Variants in ROBO2 observed in about 807,000 individuals in gnomAD.
ROBO2 encodes the protein roundabout guidance receptor 2.
Under a neutral mutation model 160.8 loss-of-function variants are expected in ROBO2, and 53 were observed. The ratio of observed to expected loss-of-function variants is 0.33; its 90% confidence interval spans 0.26 to 0.41. ROBO2 has a LOEUF of 0.41. ROBO2 is among the 10% of genes least tolerant of loss of function. The probability of loss-of-function intolerance (pLI) is 1.00; values close to 1 mark genes in which losing one functional copy is unlikely to be tolerated. For missense variants in ROBO2, 1,577 were observed against 1,722.4 expected (o/e 0.92, Z 1.49); for synonymous variants, 664 against 611.7 (o/e 1.09, Z -1.26).
At chr3:76,709,967 A>G (rs1021608107) in intron 2 of ROBO2, among the ~76,000 whole-genome samples, 4 of 152,054 alleles carry the variant, frequency 2.6e-5, no homozygotes, top group Admixed American at 6.6e-5. Context: ...TGCAGATCTC[A>G]ACACAACTTT....
chr3:77,084,537 AT>A (rs1170258063), intron 1 of ROBO2, among the ~76,000 whole-genome samples: 3 of 152,096 alleles, frequency 2.0e-5, no homozygotes, highest in Non-Finnish European at 4.4e-5. Flanking sequence ...ATCCAGAATA[AT>A]TCTGTGTTCC....
chr3:77,490,124 G>C (rs1450104491), intron 4 of ROBO2, among the ~76,000 whole-genome samples: 5 of 141,274 alleles, frequency 3.5e-5, no homozygotes, highest in African/African-American at 1.3e-4. Context: ...TTTTTGGGAC[G>C]GAGTCTCGCT....
intron 1 of ROBO2, among the ~76,000 whole-genome samples, chr3:77,063,907 G>A (rs538983539): frequency 1.3e-5 from 2 of 152,076 alleles, no homozygotes; most frequent in South Asian, 4.1e-4. Flanking sequence ...GTTTGATTGG[G>A]CAATTGCCTA....
At chr3:76,380,707 A>C (rs566262143) in intron 2 of ROBO2, among the ~76,000 whole-genome samples, 2 of 151,510 alleles carry the variant, frequency 1.3e-5, no homozygotes, top group South Asian at 4.2e-4. Flanking sequence ...GAGTTTTGGG[A>C]AAGTCAAACG....
intron 2 of ROBO2, among the ~76,000 whole-genome samples, chr3:77,360,444 G>A (rs1241909072): frequency 6.6e-6 from 1 of 152,106 alleles, no homozygotes; most frequent in Non-Finnish European, 1.5e-5. Flanking sequence ...GGTAATTGAA[G>A]TCAATGAACT....
At chr3:75,983,633 T>G (rs190965852) in intron 2 of ROBO2, among the ~76,000 whole-genome samples, 1 of 151,470 alleles carries the variant, frequency 6.6e-6, no homozygotes, top group Admixed American at 6.6e-5. Flanking sequence ...GTATAATAAT[T>G]GAATATTGGT....
chr3:77,393,955 A>G (rs989799370), intron 2 of ROBO2, among the ~76,000 whole-genome samples: 2 of 152,180 alleles, frequency 1.3e-5, no homozygotes, highest in Admixed American at 1.3e-4. Flanking sequence ...TGAGAAATGG[A>G]AGATTACAAG....
intron 2 of ROBO2, among the ~76,000 whole-genome samples, chr3:77,397,393 T>C (rs2075380869): frequency 1.3e-5 from 2 of 152,172 alleles, no homozygotes; most frequent in Non-Finnish European, 2.9e-5. Flanking sequence ...TTTGTTTCTA[T>C]AGTGAAGTAG....
chr3:76,143,236 G>T (rs4538381), intron 2 of ROBO2, among the ~76,000 whole-genome samples: 2,740 of 151,958 alleles, frequency 0.018, 88 homozygotes, highest in African/African-American at 0.06. Context: ...TCAATAGGTT[G>T]CCCAGGCTGG....
intron 2 of ROBO2, among the ~76,000 whole-genome samples, chr3:76,811,823 TTCCTTCC>T (rs2065197155): frequency 1.3e-5 from 1 of 75,570 alleles, no homozygotes; most frequent in Non-Finnish European, 2.9e-5. Flanking sequence ...CCTTCCTTCC[TTCCTTCC>T]TTCCTTCTTT....
chr3:77,153,346 G>A (rs1453106120), intron 2 of ROBO2, among the ~76,000 whole-genome samples: 2 of 151,906 alleles, frequency 1.3e-5, no homozygotes, highest in Non-Finnish European at 2.9e-5. Flanking sequence ...CTTAGAATAT[G>A]TTCCATGAAT....
chr3:76,798,046 A>G (rs532124196), intron 2 of ROBO2, among the ~76,000 whole-genome samples: 1 of 151,346 alleles, frequency 6.6e-6, no homozygotes, highest in Non-Finnish European at 1.5e-5. Context: ...ATTTTTCCAA[A>G]CTCATTCTAC....
intron 2 of ROBO2, among the ~76,000 whole-genome samples, chr3:76,274,809 C>T (rs893525365): frequency 2.0e-5 from 3 of 149,992 alleles, no homozygotes; most frequent in Admixed American, 6.7e-5. Context: ...TGCACTCCAG[C>T]CTGGGCAACA....
At chr3:76,733,336 G>A (rs774597) in intron 2 of ROBO2, among the ~76,000 whole-genome samples, 30,015 of 152,082 alleles carry the variant, frequency 0.2, 3,015 homozygotes, top group Non-Finnish European at 0.22. Context: ...GACTCTCAGG[G>A]ATATTCCTGT....
At chr3:77,561,219 T>G (rs1339326619) in intron 9 of ROBO2, among the ~76,000 whole-genome samples, 1 of 152,190 alleles carries the variant, frequency 6.6e-6, no homozygotes, top group Non-Finnish European at 1.5e-5. Context: ...GCTTGAGTCA[T>G]CAACACACTT....
intron 2 of ROBO2, among the ~76,000 whole-genome samples, chr3:77,471,444 C>T (rs1031230005): frequency 2.6e-5 from 4 of 152,152 alleles, no homozygotes; most frequent in Non-Finnish European, 5.9e-5. Flanking sequence ...GACTTGAGTC[C>T]TCAAGGGTTT....
At chr3:76,286,051 TCTC>T (rs1708489351) in intron 2 of ROBO2, among the ~76,000 whole-genome samples, 1 of 152,138 alleles carries the variant, frequency 6.6e-6, no homozygotes. Flanking sequence ...TGTAAACACT[TCTC>T]CTAAGTAGTT....
intron 2 of ROBO2, among the ~76,000 whole-genome samples, chr3:76,786,371 G>T (rs1446109943): frequency 6.6e-6 from 1 of 151,348 alleles, no homozygotes; most frequent in Non-Finnish European, 1.5e-5. Flanking sequence ...TCATGGTTCT[G>T]TGGGCTGTAT....
At chr3:76,387,598 T>A (rs1003377020) in intron 2 of ROBO2, among the ~76,000 whole-genome samples, 4 of 152,200 alleles carry the variant, frequency 2.6e-5, no homozygotes, top group Admixed American at 6.5e-5. Flanking sequence ...ATTATGAATT[T>A]TTCAAGTCTG....
Sources: allele counts gnomAD v4.1 joint callset (sites outside exome capture counted in the v4.1 genomes callset), GRCh38; gene constraint gnomAD v4.1.1; transcripts MANE v1.5; gene names NCBI Gene and HGNC (gene_info 2026-07-23, HGNC 2026-07-21).